Variants in SMG6 observed in about 807,000 individuals in gnomAD.
The protein encoded by SMG6 is SMG6 nonsense mediated mRNA decay factor.
Under a neutral mutation model 142.2 loss-of-function variants are expected in SMG6, and 66 were observed. The ratio of observed to expected loss-of-function variants is 0.46; its 90% CI spans 0.38 to 0.57. The LOEUF (loss-of-function observed/expected upper bound fraction) is 0.57. SMG6 is among the 20% of genes least tolerant of loss of function. The pLI is 0.00. For missense variants in SMG6, 1,793 were observed against 1,832.0 expected (o/e 0.98, Z 0.39); for synonymous variants, 779 against 702.4 (o/e 1.11, Z -1.72).
chr17:2,279,369 C>T (rs2074731699), intron 8 of SMG6, among the ~76,000 whole-genome samples: 1 of 152,160 alleles, frequency 6.6e-6, no homozygotes, highest in Non-Finnish European at 1.5e-5. Flanking sequence ...GGAGCCAGAT[C>T]ATGAGGAGCC....
chr17:2,108,418 ACCAG>A (rs2069213964), intron 13 of SMG6, among the ~76,000 whole-genome samples: 1 of 152,208 alleles, frequency 6.6e-6, no homozygotes, highest in South Asian at 2.1e-4. Flanking sequence ...GGTGTTCGAG[ACCAG>A]CCTGGCCAAC....
chr17:2,212,086 C>T (rs1005300036), intron 10 of SMG6, among the ~76,000 whole-genome samples: 1 of 152,200 alleles, frequency 6.6e-6, no homozygotes, highest in Non-Finnish European at 1.5e-5. Flanking sequence ...GCCAGCGTGT[C>T]TGTTTGGAAA....
At chr17:2,214,314 G>C (rs2072948975) in intron 10 of SMG6, 1 of 152,080 alleles carries the variant, frequency 6.6e-6, no homozygotes, top group African/African-American at 2.4e-5. Flanking sequence ...TGGAGAGTCT[G>C]ACCAGCAAAG....
chr17:2,279,844 G>GCCTCCAAGTAGAAATGCCTTTACGAC (rs1304192736), intron 8 of SMG6, among the ~76,000 whole-genome samples: 57 of 152,240 alleles, frequency 3.7e-4, no homozygotes, highest in Non-Finnish European at 7.8e-4. Context: ...ACATTTTCAT[G>GCCTCCAAGTAGAAATGCCTTTACGAC]CCTCCAAGTA....
chr17:2,278,514 T>G (rs1037898959), intron 8 of SMG6, among the ~76,000 whole-genome samples: 1 of 152,164 alleles, frequency 6.6e-6, no homozygotes, highest in African/African-American at 2.4e-5. Context: ...CTAAACTATA[T>G]ATACATTACT....
intron 8 of SMG6, among the ~76,000 whole-genome samples, chr17:2,277,178 T>TA (rs1392745632): frequency 1.5e-5 from 2 of 130,610 alleles, no homozygotes; most frequent in Non-Finnish European, 3.1e-5. Flanking sequence ...TTTTATTTTT[T>TA]TTTTTTTTGA....
chr17:2,127,897 A>G (rs2069953731), intron 13 of SMG6: 1 of 566,910 alleles, frequency 1.8e-6, no homozygotes, highest in Admixed American at 1.9e-5. Flanking sequence ...TTTGTAGACG[A>G]TGTCCACGTT....
intron 12 of SMG6, among the ~76,000 whole-genome samples, chr17:2,178,660 A>G (rs1470046069): frequency 6.6e-5 from 10 of 152,130 alleles, no homozygotes; most frequent in Admixed American, 6.5e-4. Flanking sequence ...CACTGCCCCC[A>G]ATATGTTCGG....
At position 2,297,808 on chromosome 17, in the gene SMG6, C is replaced by T. The variant is rs968958891; in HGVS notation, c.2040+55G>A. 3.9e-5 allele frequency: 61 copies of T among 1,554,592 alleles called. No homozygotes were observed. The African/African-American group carries it at 4.7e-4, about 12-fold the overall frequency. On this transcript the variant is annotated intron_variant, in intron 3 of 18. Coordinates refer to ENST00000263073, the MANE Select transcript of SMG6 (RefSeq NM_017575.5). ...AGTATTTCAGGTAGTAAAAATCCATCGTAACTACAGAATGCTGAAGCCTTT... is the reference window on the plus strand; with the variant it reads ...AGTATTTCAGGTAGTAAAAATCCATTGTAACTACAGAATGCTGAAGCCTTT...
chr17:2,163,329 G>C (rs1259498214), intron 13 of SMG6, among the ~76,000 whole-genome samples: 1 of 151,964 alleles, frequency 6.6e-6, no homozygotes, highest in Non-Finnish European at 1.5e-5. Flanking sequence ...TAGGACCACA[G>C]ACGGAGGCCA....
chr17:2,080,491 G>T (rs564620867), intron 15 of SMG6, among the ~76,000 whole-genome samples: 1 of 152,310 alleles, frequency 6.6e-6, no homozygotes, highest in Admixed American at 6.5e-5. Flanking sequence ...CCCTGGCCAG[G>T]GTGATTAGAC....
intron 13 of SMG6, among the ~76,000 whole-genome samples, chr17:2,091,426 G>C (rs2068711517): frequency 6.6e-6 from 1 of 152,174 alleles, no homozygotes; most frequent in African/African-American, 2.4e-5. Flanking sequence ...AAGTTGGTAT[G>C]AAATTGAGAA....
chr17:2,272,660 C>T (rs959283251), intron 8 of SMG6, among the ~76,000 whole-genome samples: 2 of 152,124 alleles, frequency 1.3e-5, no homozygotes, highest in African/African-American at 2.4e-5. Flanking sequence ...TGTCCTTGGC[C>T]GGGCACGGTG....
At chr17:2,195,098 A>G (rs1349627154) in intron 10 of SMG6, among the ~76,000 whole-genome samples, 1 of 152,158 alleles carries the variant, frequency 6.6e-6, no homozygotes, top group African/African-American at 2.4e-5. Context: ...GATATTCGGC[A>G]CTTCATTTGT....
chr17:2,151,106 A>T (rs1255281650), intron 13 of SMG6, among the ~76,000 whole-genome samples: 2 of 152,238 alleles, frequency 1.3e-5, no homozygotes, highest in Non-Finnish European at 2.9e-5. Flanking sequence ...TGAAATGGAC[A>T]TCAATTAAGG....
rs1344055899 is a variant in SMG6 at position 2,071,502 on chromosome 17, C to T, written c.3682-2571G>A. On this transcript the variant is annotated intron_variant, in intron 15 of 18. Transcript: ENST00000263073. The surrounding 1 kb of genome is among the most constrained non-coding windows in gnomAD (Gnocchi z 5.6). ...CTTGCAGCTAGAAAGGTGAATAGGC[C>T]GCAGCCTTTCAGAGGGGGCTTCCCT... 4.6e-5 allele frequency among the ~76,000 whole-genome samples: 7 copies of T among 152,196 alleles called. No individual in the cohort carries two copies. Among genetic ancestry groups the T allele is most frequent in the East Asian group, 1.9e-4 (1 of 5,190 alleles).
At chr17:2,158,007 TAAAAG>T (rs950887613) in intron 13 of SMG6, among the ~76,000 whole-genome samples, 3 of 152,096 alleles carry the variant, frequency 2.0e-5, no homozygotes, top group African/African-American at 7.2e-5. Flanking sequence ...AGTAATTCCT[TAAAAG>T]AAAAGAAACC....
At chr17:2,208,411 G>A (rs1039794495) in intron 10 of SMG6, among the ~76,000 whole-genome samples, 2 of 152,110 alleles carry the variant, frequency 1.3e-5, no homozygotes, top group African/African-American at 2.4e-5. Context: ...AGCTGTCCTC[G>A]TACAGGATTT....
intron 8 of SMG6, among the ~76,000 whole-genome samples, chr17:2,276,090 T>G (rs2074642249): frequency 6.6e-6 from 1 of 152,220 alleles, no homozygotes. Flanking sequence ...CAATTCCAAT[T>G]AAGGCTAATC....
Sources: gnomAD v4.1 joint callset for allele counts (sites outside exome capture counted in the v4.1 genomes callset) on GRCh38, gnomAD v4.1.1 for gene constraint, Gnocchi (gnomAD v3.1) non-coding constraint, MANE v1.5 for transcripts, NCBI Gene and HGNC (gene_info 2026-07-23, HGNC 2026-07-21) for gene names.